Variants in NCOA2 observed in about 807,000 individuals in gnomAD.
NCOA2 encodes the protein class E basic helix-loop-helix protein 75.
Under a neutral mutation model 145.1 loss-of-function variants are expected in NCOA2, and 21 were observed. The observed-to-expected ratio is 0.14, with a 90% confidence interval of 0.10 to 0.21. The LOEUF is 0.21. NCOA2 is among the 10% of genes least tolerant of loss of function. The pLI is 1.00. For missense variants in NCOA2, 1,472 were observed against 1,837.6 expected (o/e 0.80, Z 3.64); for synonymous variants, 619 against 637.5 (o/e 0.97, Z 0.44).
chr8:70,237,503 C>G (rs1221229663), intron 2 of NCOA2, among the ~76,000 whole-genome samples: 1 of 151,068 alleles, frequency 6.6e-6, no homozygotes, highest in African/African-American at 2.4e-5. Flanking sequence ...TGGCTCATGC[C>G]TGTAATCCCA....
chr8:70,416,464 G>C, the NCOA2 span, among the ~76,000 whole-genome samples: 1 of 152,140 alleles, frequency 6.6e-6, no homozygotes, highest in Non-Finnish European at 1.5e-5. Flanking sequence ...TGCCTAACAT[G>C]ATACAACTAT....
At chr8:70,221,594 C>T (rs988943132) in intron 2 of NCOA2, among the ~76,000 whole-genome samples, 1 of 152,176 alleles carries the variant, frequency 6.6e-6, no homozygotes, top group Admixed American at 6.5e-5. Flanking sequence ...ATACAGAAGA[C>T]ATCCAGTTGC....
the NCOA2 span, among the ~76,000 whole-genome samples, chr8:70,439,237 A>G: frequency 6.6e-6 from 1 of 152,184 alleles, no homozygotes; most frequent in African/African-American, 2.4e-5. Context: ...GCTAAGTGCC[A>G]GGGAGTCAAA....
At chr8:70,445,377 C>T in the NCOA2 span, among the ~76,000 whole-genome samples, 13 of 152,166 alleles carry the variant, frequency 8.5e-5, no homozygotes, top group African/African-American at 2.9e-4. Context: ...TTCAGTTTTT[C>T]CACAGTTAAC....
At chr8:70,271,339 A>G (rs147315305) in intron 2 of NCOA2, among the ~76,000 whole-genome samples, 20 of 152,360 alleles carry the variant, frequency 1.3e-4, no homozygotes, top group Non-Finnish European at 2.5e-4. Context: ...ACATATTTCA[A>G]CTGACTAAAT....
At chr8:70,349,651 C>G (rs1217958523) in intron 1 of NCOA2, among the ~76,000 whole-genome samples, 1 of 152,022 alleles carries the variant, frequency 6.6e-6, no homozygotes, top group Admixed American at 6.6e-5. Flanking sequence ...CCTAAGCTTT[C>G]CATAAATCCT....
intron 4 of NCOA2, among the ~76,000 whole-genome samples, chr8:70,204,808 A>G (rs1342174161): frequency 1.3e-5 from 2 of 152,214 alleles, no homozygotes; most frequent in Non-Finnish European, 2.9e-5. Context: ...CCTGGGCAAC[A>G]TGGCGAAACC....
intron 4 of NCOA2, among the ~76,000 whole-genome samples, chr8:70,197,851 T>TA (rs886217726): frequency 7.1e-6 from 1 of 141,168 alleles, no homozygotes; most frequent in African/African-American, 2.6e-5. Context: ...TTTTTTTTTT[T>TA]AAAGACAAGG....
intron 6 of NCOA2, among the ~76,000 whole-genome samples, chr8:70,168,997 T>C (rs931372809): frequency 1.3e-5 from 2 of 152,214 alleles, no homozygotes; most frequent in African/African-American, 2.4e-5. Flanking sequence ...CGAATGAAAT[T>C]TGAAAAGGAC....
intron 2 of NCOA2, among the ~76,000 whole-genome samples, chr8:70,241,321 T>C (rs963819982): frequency 6.6e-6 from 1 of 152,184 alleles, no homozygotes; most frequent in Admixed American, 6.6e-5. Context: ...TGGCAATTCA[T>C]AGTCACTCTG....
In NCOA2 at chr8:70,136,433, A is replaced by G. The variant is rs970670615; in HGVS notation, c.3158+1770T>C. Among the ~76,000 whole-genome samples the G allele has an allele frequency of 1.2e-4, 18 of 152,196 alleles. 1 individual carries two copies. Among genetic ancestry groups the G allele is most frequent in the African/African-American group, 4.1e-4 (17 of 41,456 alleles). On this transcript the variant is annotated intron_variant, in intron 15 of 22. Coordinates refer to ENST00000452400, the MANE Select transcript of NCOA2 (RefSeq NM_006540.4). The stretch of plus-strand genomic sequence containing the variant: ...CAAAAGGAAGTCTTTCATGAAAGAC[A>G]GCTATTGTATTTCAAGAGAAAACCC...
At chr8:70,445,028 A>G in the NCOA2 span, among the ~76,000 whole-genome samples, 1 of 152,216 alleles carries the variant, frequency 6.6e-6, no homozygotes, top group African/African-American at 2.4e-5. Flanking sequence ...GCTGTATTCA[A>G]TGGGTGCTCT....
intron 1 of NCOA2, among the ~76,000 whole-genome samples, chr8:70,394,887 A>G (rs1365376553): frequency 2.0e-5 from 3 of 152,346 alleles, no homozygotes; most frequent in Non-Finnish European, 4.4e-5. Flanking sequence ...TAACTCCAAC[A>G]ACAAATCAGC....
At chr8:70,405,437 G>GTTTTATTTTT (rs1814726361), upstream of NCOA2, among the ~76,000 whole-genome samples, 1 of 59,364 alleles carries the variant, frequency 1.7e-5, no homozygotes, top group Non-Finnish European at 2.7e-5. Flanking sequence ...ATTTTTAAAG[G>GTTTTATTTTT]TTTTTTTTTT....
chr8:70,445,131 C>T, the NCOA2 span, among the ~76,000 whole-genome samples: 2 of 152,094 alleles, frequency 1.3e-5, no homozygotes, highest in Admixed American at 1.3e-4. Flanking sequence ...TGTTTGCCTG[C>T]CATGTTATCC....
intron 1 of NCOA2, among the ~76,000 whole-genome samples, chr8:70,339,238 C>A (rs1807905562): frequency 6.6e-6 from 1 of 152,090 alleles, no homozygotes; most frequent in African/African-American, 2.4e-5. Flanking sequence ...TCAGCAAAGT[C>A]TCAGGATACA....
chr8:70,310,687 T>C (rs748211615), intron 1 of NCOA2, among the ~76,000 whole-genome samples: 1 of 152,224 alleles, frequency 6.6e-6, no homozygotes, highest in Non-Finnish European at 1.5e-5. Flanking sequence ...GTAAGGTCAG[T>C]AGTAAGCTGT....
At chr8:70,434,773 G>T in the NCOA2 span, among the ~76,000 whole-genome samples, 1 of 152,042 alleles carries the variant, frequency 6.6e-6, no homozygotes, top group Non-Finnish European at 1.5e-5. Context: ...GTAATACTGT[G>T]TTGCTCAGCC....
At chr8:70,267,951 T>C (rs1015228025) in intron 2 of NCOA2, among the ~76,000 whole-genome samples, 3 of 152,244 alleles carry the variant, frequency 2.0e-5, no homozygotes, top group African/African-American at 7.2e-5. Flanking sequence ...TCGTTTTTCA[T>C]ATTTGACTTC....
Sources: gnomAD v4.1 joint callset for allele counts (sites outside exome capture counted in the v4.1 genomes callset) on GRCh38, gnomAD v4.1.1 for gene constraint, MANE v1.5 for transcripts, NCBI Gene and HGNC (gene_info 2026-07-23, HGNC 2026-07-21) for gene names.